ROBO2: variants seen among roughly 807,000 people sequenced by gnomAD.
ROBO2 encodes the protein roundabout guidance receptor 2, also known as roundabout homolog 2.
A neutral mutation model predicts 160.8 loss-of-function variants in ROBO2; 53 were observed. The observed-to-expected ratio is 0.33, with a 90% CI of 0.26 to 0.41. The LOEUF is 0.41. ROBO2 is among the 10% of genes least tolerant of loss of function. The probability of loss-of-function intolerance (pLI) is 1.00; values close to 1 mark genes in which losing one functional copy is unlikely to be tolerated. For missense variants in ROBO2, 1,577 were observed against 1,722.4 expected (o/e 0.92, Z 1.49); for synonymous variants, 664 against 611.7 (o/e 1.09, Z -1.26).
chr3:76,977,175 T>C (rs1337416969), intron 2 of ROBO2, among the ~76,000 whole-genome samples: 1 of 152,194 alleles, frequency 6.6e-6, no homozygotes, highest in Non-Finnish European at 1.5e-5. Context: ...AAGCCCTGTG[T>C]GGCTCAATAA....
intron 2 of ROBO2, among the ~76,000 whole-genome samples, chr3:75,982,314 G>T (rs2065302292): frequency 6.6e-6 from 1 of 151,288 alleles, no homozygotes; most frequent in African/African-American, 2.4e-5. Context: ...AGATCATGTG[G>T]TAGCTCAATT....
At chr3:77,212,790 G>C (rs2084360901) in intron 2 of ROBO2, among the ~76,000 whole-genome samples, 1 of 152,164 alleles carries the variant, frequency 6.6e-6, no homozygotes, top group African/African-American at 2.4e-5. Flanking sequence ...ATGAAGTGTT[G>C]TTGAATTTTG....
intron 2 of ROBO2, among the ~76,000 whole-genome samples, chr3:75,955,400 G>A (rs893266546): frequency 1.3e-5 from 2 of 151,492 alleles, no homozygotes; most frequent in African/African-American, 4.8e-5. Context: ...GTTTAATGTC[G>A]ATATAACTTC....
chr3:76,345,751 GTCC>G (rs1471618112), intron 2 of ROBO2, among the ~76,000 whole-genome samples: 5 of 151,830 alleles, frequency 3.3e-5, no homozygotes, highest in Admixed American at 3.3e-4. Context: ...GAGGTTTTCA[GTCC>G]TCCTGTTTAA....
At chr3:76,298,640 C>A (rs1014474699) in intron 2 of ROBO2, among the ~76,000 whole-genome samples, 2 of 152,136 alleles carry the variant, frequency 1.3e-5, no homozygotes, top group African/African-American at 4.8e-5. Flanking sequence ...AATCTGTTAT[C>A]TTGTTTAACC....
chr3:77,058,542 T>C (rs1368094309), intron 1 of ROBO2, among the ~76,000 whole-genome samples: 1 of 152,170 alleles, frequency 6.6e-6, no homozygotes, highest in Non-Finnish European at 1.5e-5. Context: ...ATTTATTTAT[T>C]TGTTTTTGAG....
chr3:76,367,338 G>A (rs1274711793), intron 2 of ROBO2, among the ~76,000 whole-genome samples: 3 of 151,926 alleles, frequency 2.0e-5, no homozygotes, highest in African/African-American at 7.3e-5. Flanking sequence ...CATCCTCAGT[G>A]TAATAAGGAG....
At chr3:77,087,819 TGTA>T (rs1003858925) in intron 1 of ROBO2, among the ~76,000 whole-genome samples, 1 of 152,058 alleles carries the variant, frequency 6.6e-6, no homozygotes, top group African/African-American at 2.4e-5. Flanking sequence ...ATAGGAATGT[TGTA>T]TATATATACA....
chr3:76,277,495 G>A lies in ROBO2; in HGVS notation c.109+339893G>A, dbSNP rs776022452. Among the ~76,000 whole-genome samples the A allele has an allele frequency of 2.5e-4, 38 of 151,940 alleles. 1 individual carries two copies. The highest frequency in any genetic ancestry group is 5.3e-4 in the Non-Finnish European group (36 of 67,904). The stretch of plus-strand genomic sequence containing the variant: ...TTTTAAAGTAGTTTCTCCAGAGAAG[G>A]CATCTAATTCTTGGATTAGGGATGC... On this transcript the variant is annotated intron_variant, in intron 2 of 26. Coordinates refer to the ROBO2 transcript ENST00000487694.
At chr3:76,272,908 T>TATATATAAA (rs1707614107) in intron 2 of ROBO2, among the ~76,000 whole-genome samples, 2 of 33,298 alleles carry the variant, frequency 6.0e-5, no homozygotes, top group Non-Finnish European at 1.3e-4. Flanking sequence ...AATATATATT[T>TATATATAAA]ATATATAAAA....
intron 2 of ROBO2, among the ~76,000 whole-genome samples, chr3:76,218,313 G>C (rs1211289135): frequency 6.6e-6 from 1 of 152,138 alleles, no homozygotes; most frequent in African/African-American, 2.4e-5. Flanking sequence ...TTCTGGCCAG[G>C]TCAGTCAGGC....
intron 2 of ROBO2, among the ~76,000 whole-genome samples, chr3:76,202,643 C>T (rs1012504396): frequency 7.9e-5 from 12 of 152,044 alleles, no homozygotes; most frequent in African/African-American, 2.7e-4. Context: ...GTTGTACAAC[C>T]AAAATTTTTT....
chr3:76,201,927 C>A (rs563257846), intron 2 of ROBO2, among the ~76,000 whole-genome samples: 2 of 149,074 alleles, frequency 1.3e-5, no homozygotes, highest in South Asian at 4.2e-4. Context: ...TTAAAGAAAC[C>A]CTGAATTGTA....
At chr3:76,443,994 C>G (rs1304322814) in intron 2 of ROBO2, among the ~76,000 whole-genome samples, 1 of 152,058 alleles carries the variant, frequency 6.6e-6, no homozygotes, top group Non-Finnish European at 1.5e-5. Context: ...TTGATGGAGT[C>G]TTGCTCTGTC....
Position 77,565,831 on chromosome 3 carries a change from T to A in ROBO2, c.1849+711T>A, listed in dbSNP as rs374890118. On this transcript the variant is annotated intron_variant, in intron 12 of 25. Coordinates refer to ENST00000461745, the Ensembl canonical transcript of ROBO2. The stretch of plus-strand genomic sequence containing the variant: ...AGAGTATTAAAATATAATTTCAAAA[T>A]GGAAGATTTCATAATTTTATCCTTA... 1.6e-4 allele frequency among the ~76,000 whole-genome samples: 25 copies of A among 152,196 alleles called. 1 individual carries two copies. In the East Asian group the frequency reaches 2.3e-3, roughly 14 times the overall value.
intron 2 of ROBO2, among the ~76,000 whole-genome samples, chr3:77,002,834 T>C (rs2149426043): frequency 6.6e-6 from 1 of 152,252 alleles, no homozygotes; most frequent in East Asian, 1.9e-4. Context: ...TAATATTTAC[T>C]TAGTCTATGT....
chr3:76,641,548 G>A (rs773094262), intron 2 of ROBO2, among the ~76,000 whole-genome samples: 21 of 152,126 alleles, frequency 1.4e-4, no homozygotes, highest in Non-Finnish European at 2.6e-4. Flanking sequence ...GGAGACTGCA[G>A]AGGCACAAGA....
At chr3:76,497,964 A>C (rs931869268) in intron 2 of ROBO2, among the ~76,000 whole-genome samples, 2 of 152,140 alleles carry the variant, frequency 1.3e-5, no homozygotes, top group African/African-American at 4.8e-5. Flanking sequence ...CTTCTTCCTT[A>C]ACCTGCTTTA....
chr3:77,542,805 G>A (rs1270124381), intron 6 of ROBO2, among the ~76,000 whole-genome samples: 1 of 152,062 alleles, frequency 6.6e-6, no homozygotes, highest in Non-Finnish European at 1.5e-5. Flanking sequence ...CTTTGTCTTT[G>A]CTCTTTCTCT....
Sources: gnomAD v4.1 joint callset for allele counts (sites outside exome capture counted in the v4.1 genomes callset) on GRCh38, gnomAD v4.1.1 for gene constraint, MANE v1.5 for transcripts, NCBI Gene and HGNC (gene_info 2026-07-23, HGNC 2026-07-21) for gene names.